The following GTF2H3 variants were observed in gnomAD, a reference collection of about 807,000 sequenced individuals.
The protein encoded by GTF2H3 is TFIIH basal transcription factor complex p34 subunit.
GTF2H3 carries 42 observed loss-of-function variants against 51.1 expected under a neutral mutation model. That is an observed-to-expected ratio of 0.82 (90% CI 0.64 to 1.06). The LOEUF is 1.06. GTF2H3 is among the 50% of genes least tolerant of loss of function. GTF2H3 has a pLI of 0.00. For missense variants in GTF2H3, 326 were observed against 366.1 expected, an observed-to-expected ratio of 0.89 and a Z score of 0.89; for synonymous variants, 123 against 123.8, an observed-to-expected ratio of 0.99 and a Z score of 0.04.
In GTF2H3 at chr12:123,660,051, T is replaced by G; in HGVS notation, c.826T>G (p.Cys276Gly). The change falls in exon 12 of 13, where the codon TGC (cysteine) becomes GGC (glycine). Residue 276 changes from cysteine to glycine, a missense_variant. By Grantham distance (159) the Cys-to-Gly change is radical. Coordinates refer to ENST00000543341, the MANE Select transcript of GTF2H3 (RefSeq NM_001516.5). The part of the protein sequence containing the change: ...YVCSVCLSIF[C>G]NFSPICTTCE... ...TTTTTTTTTTTAATTTACAGTATTCTGCAATTTCAGCCCCATTTGTACTAC... is the reference window on the plus strand; with the variant it reads ...TTTTTTTTTTTAATTTACAGTATTCGGCAATTTCAGCCCCATTTGTACTAC... 6.2e-7 allele frequency: 1 copy of G among 1,602,380 alleles called. No individual in the cohort carries two copies. The highest frequency in any genetic ancestry group is 8.5e-7 in the Non-Finnish European group (1 of 1,177,138).
chr12:123,637,287 A>T (rs577879569), intron 1 of GTF2H3, among the ~76,000 whole-genome samples: 1 of 151,918 alleles, frequency 6.6e-6, no homozygotes, highest in Non-Finnish European at 1.5e-5. Flanking sequence ...TGTAGTCCTT[A>T]CTACTGGGGA....
intron 2 of GTF2H3, among the ~76,000 whole-genome samples, chr12:123,640,200 C>T (rs1258920968): frequency 6.6e-6 from 1 of 152,018 alleles, no homozygotes; most frequent in Non-Finnish European, 1.5e-5. Context: ...GTCCCACTCT[C>T]GACCACACCT....
At chr12:123,641,799 TATTA>T (rs879343866) in intron 2 of GTF2H3, among the ~76,000 whole-genome samples, 53 of 152,318 alleles carry the variant, frequency 3.5e-4, no homozygotes, top group Middle Eastern at 6.8e-3. Context: ...TTACGTACTA[TATTA>T]ATTCTTCTGT....
chr12:123,640,693 A>G (rs1444499137), intron 2 of GTF2H3, among the ~76,000 whole-genome samples: 3 of 152,192 alleles, frequency 2.0e-5, no homozygotes, highest in African/African-American at 7.2e-5. Flanking sequence ...ATGGTTTAAA[A>G]TAAAATCAGA....
intron 2 of GTF2H3, among the ~76,000 whole-genome samples, chr12:123,642,052 C>T (rs1955382989): frequency 6.6e-6 from 1 of 151,838 alleles, no homozygotes; most frequent in African/African-American, 2.4e-5. Flanking sequence ...CAGGGTTTCA[C>T]CATATTGGTC....
intron 1 of GTF2H3, among the ~76,000 whole-genome samples, chr12:123,634,459 A>G (rs1331877004): frequency 1.3e-5 from 2 of 152,244 alleles, no homozygotes; most frequent in Non-Finnish European, 2.9e-5. Flanking sequence ...TAAAAAATAA[A>G]TTATTTTTCA....
At chr12:123,639,138 A>T (rs1478051223) in intron 1 of GTF2H3, 126 bp from the exon 2 acceptor site, 1 of 598,126 alleles carries the variant, frequency 1.7e-6, no homozygotes, top group African/African-American at 1.9e-5. Context: ...TCTCATAATT[A>T]TAAGGTGATA....
In GTF2H3 at chr12:123,660,549, C is replaced by A. The variant is rs370409866; in HGVS notation, c.*314C>A. The A allele has an allele frequency of 4.8e-5, 10 of 206,492 alleles. No individual in the cohort carries two copies. The East Asian group carries it at 5.2e-4, about 11-fold the overall frequency. 12.8% of individuals were successfully genotyped at this position (206,492 alleles called of 1,614,324 possible). On this transcript the variant is annotated 3_prime_UTR_variant, in exon 13 of 13. Transcript: ENST00000543341. ...CATGACTCATCATAGGCTTTCTAAC[C>A]TACTCCCTGAATCCGGGTCCTCATT...
intron 1 of GTF2H3, among the ~76,000 whole-genome samples, chr12:123,637,372 TAAAA>T: frequency 6.6e-6 from 1 of 152,014 alleles, no homozygotes; most frequent in Admixed American, 6.6e-5. Context: ...CCCCATCTCT[TAAAA>T]AAAACCCAAA....
chr12:123,637,338 A>G (rs1243145393), intron 1 of GTF2H3, among the ~76,000 whole-genome samples: 1 of 152,080 alleles, frequency 6.6e-6, no homozygotes, highest in Non-Finnish European at 1.5e-5. Flanking sequence ...TTTCAAGACC[A>G]GCCTGGGCAA....
intron 9 of GTF2H3, among the ~76,000 whole-genome samples, chr12:123,659,153 C>T (rs537473195): frequency 4.6e-5 from 7 of 152,234 alleles, no homozygotes; most frequent in Admixed American, 1.3e-4. Context: ...AGAACTTCCT[C>T]GAAAAGTTAA....
chr12:123,636,134 C>G lies in GTF2H3; in HGVS notation c.13+2262C>G, dbSNP rs533196501. 5.3e-5 allele frequency among the ~76,000 whole-genome samples: 8 copies of G among 152,248 alleles called. No homozygotes were observed. In the South Asian group the frequency reaches 1.7e-3, roughly 32 times the overall value. On this transcript the variant is annotated intron_variant, in intron 1 of 12. Transcript: ENST00000543341. Reference sequence around the variant, plus strand: ...CTAATCTTAATGATAAAGATACCATCCAGATGTCAACAACTATTCAATGTA... The same window carrying G: ...CTAATCTTAATGATAAAGATACCATGCAGATGTCAACAACTATTCAATGTA...
In GTF2H3 at chr12:123,661,640, C is replaced by CAAAAAAAAAAAAAAAA. The variant is rs75226670; in HGVS notation, c.*1417_*1418insAAAAAAAAAAAAAAAA. On this transcript the variant is annotated 3_prime_UTR_variant, in exon 13 of 13. Coordinates refer to ENST00000543341, the MANE Select transcript of GTF2H3 (RefSeq NM_001516.5). ...TGGGTGACAGAGCGAGACTCTGTAT[C>CAAAAAAAAAAAAAAAA]AAAAAAAAAAAAGATCGGGCACGTT... is the stretch of plus-strand genomic sequence containing the variant. The CAAAAAAAAAAAAAAAA allele has an allele frequency of 1.1e-4, 14 of 132,886 alleles. No homozygotes were observed. The highest frequency in any genetic ancestry group is 4.4e-4 in the African/African-American group (14 of 31,650). 8.2% of individuals were successfully genotyped at this position (132,886 alleles called of 1,614,324 possible).
At chr12:123,634,019 G>A in intron 1 of GTF2H3, 147 bp downstream of exon 1, 8 of 836,214 alleles carry the variant, frequency 9.6e-6, no homozygotes. Flanking sequence ...CATTCATTCA[G>A]TAAATAGTTT....
chr12:123,640,786 A>G (rs576391882), intron 2 of GTF2H3, among the ~76,000 whole-genome samples: 3 of 152,198 alleles, frequency 2.0e-5, no homozygotes, highest in African/African-American at 7.2e-5. Flanking sequence ...AAATTTATGT[A>G]TTTTCTGTGG....
At chr12:123,639,537 TTGAC>T (rs1955337872) in intron 2 of GTF2H3, among the ~76,000 whole-genome samples, 194 bp downstream of exon 2, 2 of 152,336 alleles carry the variant, frequency 1.3e-5, no homozygotes, top group African/African-American at 2.4e-5. Context: ...GAATATTTCT[TTGAC>T]TGCGTAGCGT....
In GTF2H3 at chr12:123,659,399, T is replaced by G. The variant is rs746927635; in HGVS notation, c.616-117T>G. 2.2e-5 allele frequency: 16 copies of G among 738,558 alleles called. No homozygotes were observed. The African/African-American group carries it at 2.6e-4, about 12-fold the overall frequency. The allele number at this position is 738,558 out of a possible 1,614,324, so 45.8% of individuals were successfully genotyped here. ...AAATAAAAATAAAATAATAATAATCTGCAGTGTCATATCCTCCTCTGATTT... is the reference window on the plus strand; with the variant it reads ...AAATAAAAATAAAATAATAATAATCGGCAGTGTCATATCCTCCTCTGATTT... On this transcript the variant is annotated intron_variant, in intron 9 of 12. Transcript: ENST00000543341.
intron 1 of GTF2H3, among the ~76,000 whole-genome samples, chr12:123,636,346 TG>T (rs1480556633): frequency 1.3e-5 from 2 of 152,152 alleles, no homozygotes; most frequent in African/African-American, 4.8e-5. Flanking sequence ...TGCGCTGGTT[TG>T]GGGCTTTGAG....
At chr12:123,634,876 A>T (rs1473334757) in intron 1 of GTF2H3, among the ~76,000 whole-genome samples, 1 of 152,386 alleles carries the variant, frequency 6.6e-6, no homozygotes, top group Middle Eastern at 3.4e-3. Context: ...TTTTAGGTGC[A>T]ATACAAAGAC....
Sources: gnomAD v4.1 joint callset for allele counts (sites outside exome capture counted in the v4.1 genomes callset) on GRCh38, gnomAD v4.1.1 for gene constraint, MANE v1.5 for transcripts, NCBI Gene and HGNC (gene_info 2026-07-23, HGNC 2026-07-21) for gene names.